COG7: variants seen among roughly 807,000 people sequenced by gnomAD.
The protein encoded by COG7 is component of oligomeric golgi complex 7.
In COG7, 49 loss-of-function variants were observed where a neutral mutation model predicts 91.5. The observed-to-expected ratio is 0.54, with a 90% confidence interval of 0.43 to 0.68. The LOEUF (loss-of-function observed/expected upper bound fraction) is 0.68. Ranked by LOEUF, COG7 falls within the 30% of genes least tolerant of loss-of-function variation. The pLI is 0.00. For synonymous variants in COG7, 365 were observed against 388.7 expected (o/e 0.94, Z 0.72); for missense variants, 895 against 961.3 (o/e 0.93, Z 0.91).
chr16:23,417,601 T>C (rs937058735), intron 8 of COG7, among the ~76,000 whole-genome samples: 1 of 151,788 alleles, frequency 6.6e-6, no homozygotes, highest in Non-Finnish European at 1.5e-5. Context: ...ACCCCATCTC[T>C]ACAAAAAATT....
At chr16:23,434,283 C>G (rs537344282) in intron 5 of COG7, among the ~76,000 whole-genome samples, 2 of 152,100 alleles carry the variant, frequency 1.3e-5, no homozygotes, top group Admixed American at 1.3e-4. Flanking sequence ...GAAACCCTAT[C>G]TCTAAAGAAA....
At chr16:23,397,183 A>G (rs1963299019) in intron 14 of COG7, among the ~76,000 whole-genome samples, 2 of 152,216 alleles carry the variant, frequency 1.3e-5, no homozygotes, top group Non-Finnish European at 2.9e-5. Context: ...TGCTGTGACT[A>G]TAAGCATGAG....
Position 23,398,067 on chromosome 16 carries a change from G to T in COG7, c.1866C>A (p.Thr622=). The T allele has an allele frequency of 6.2e-7, 1 of 1,614,122 alleles. No homozygotes were observed. Among genetic ancestry groups the T allele is most frequent in the Non-Finnish European group, 8.5e-7 (1 of 1,179,984 alleles). ...TTACGTTGCTGATGTACTCGAGAGG[G>T]GTGAGACTAAAGGCGGGCAGTTCAT... ...LTDELPAFSL[T]PLEYISNIGQ... The change falls in exon 14 of 17, where the codon ACC becomes ACA. Residue 622 remains threonine (T), a synonymous_variant. Transcript: ENST00000307149.
intron 7 of COG7, among the ~76,000 whole-genome samples, chr16:23,419,770 ACTGCCACAG>A (rs1963723248): frequency 6.7e-6 from 1 of 149,338 alleles, no homozygotes. Context: ...AAAAAAAAGA[ACTGCCACAG>A]AGAAAAGGCA....
At chr16:23,424,355 T>A (rs1021322303) in intron 7 of COG7, among the ~76,000 whole-genome samples, 2 of 151,496 alleles carry the variant, frequency 1.3e-5, no homozygotes, top group African/African-American at 4.9e-5. Context: ...AACTGACTTT[T>A]GAGGTTGAAA....
chr16:23,435,433 A>G (rs115102249), intron 4 of COG7, among the ~76,000 whole-genome samples: 184 of 152,352 alleles, frequency 1.2e-3, no homozygotes, highest in African/African-American at 4.3e-3. Flanking sequence ...CATTCCACAC[A>G]TAACAATGGA....
At chr16:23,419,492 T>C (rs1963715759) in intron 7 of COG7, among the ~76,000 whole-genome samples, 1 of 151,316 alleles carries the variant, frequency 6.6e-6, no homozygotes, top group Admixed American at 6.6e-5. Flanking sequence ...CTCACACTTG[T>C]AATCCCAGCA....
chr16:23,400,796 C>A (rs763211752), intron 13 of COG7, among the ~76,000 whole-genome samples: 10 of 152,042 alleles, frequency 6.6e-5, no homozygotes, highest in Non-Finnish European at 8.8e-5. Flanking sequence ...ATGGTGAAAC[C>A]CCATTTCTAC....
chr16:23,398,208 A>G, intron 13 of COG7, 79 bp from the exon 14 acceptor site: 1 of 1,155,590 alleles, frequency 8.7e-7, no homozygotes. Context: ...ATACACAAGA[A>G]GAACATGGCC....
Position 23,418,702 on chromosome 16 carries a change from G to C in COG7, c.1135C>G (p.Leu379Val), listed in dbSNP as rs878853109. Reference protein sequence around the residue: ...NLLIQMSAVPLEHGEVIDCVQ... With the variant: ...NLLIQMSAVPVEHGEVIDCVQ... ...GCCCCAGGACACTGCGACTTTACCA[G>C]AGGCACAGCACTCATCTGGATGAGG... The change falls in exon 8 of 17, where the codon CTG (leucine) becomes GTG (valine). Residue 379 changes from leucine (L) to valine (V), a missense_variant and splice_region_variant. Leu to Val is a conservative substitution (Grantham distance 32). Transcript: ENST00000307149. 2 of 1,613,424 alleles carry C rather than the reference G, an allele frequency of 1.2e-6. No homozygotes were observed. The highest frequency in any genetic ancestry group is 2.7e-5 in the African/African-American group (2 of 74,886).
chr16:23,393,480 C>G, intron 14 of COG7, 133 bp from the exon 15 acceptor site: 1 of 706,716 alleles, frequency 1.4e-6, no homozygotes, highest in Non-Finnish European at 2.6e-6. Context: ...TCTGATCTTT[C>G]TAGTATGTGG....
Position 23,434,698 on chromosome 16 carries a change from T to C in COG7, c.625A>G (p.Lys209Glu), listed in dbSNP as rs1464309853. ...ATCCGGTCAATTTCAGTAAACACCT[T>C]CACAAACACTTTGGACTGATCTAAA... ...QAVDQSKVFV[K>E]VFTEIDRMPQ... The change falls in exon 5 of 17, where the codon AAG (lysine) becomes GAG (glutamate). Residue 209 changes from lysine to glutamate, a missense_variant. Physicochemically the swap from Lys to Glu is moderately conservative, Grantham distance 56. Transcript: ENST00000307149. The C allele has an allele frequency of 1.2e-6, 2 of 1,612,688 alleles. No individual in the cohort carries two copies. The highest frequency in any genetic ancestry group is 1.7e-6 in the Non-Finnish European group (2 of 1,178,784).
chr16:23,407,264 TGCTTGAGCCAACCA>T (rs1249287213), intron 11 of COG7, among the ~76,000 whole-genome samples: 2 of 152,238 alleles, frequency 1.3e-5, no homozygotes, highest in African/African-American at 4.8e-5. Flanking sequence ...TTCTTCCTGT[TGCTTGAGCCAACCA>T]GTAACTTTGG....
intron 4 of COG7, among the ~76,000 whole-genome samples, chr16:23,435,406 A>C (rs1318457086): frequency 2.6e-5 from 4 of 152,252 alleles, no homozygotes; most frequent in Middle Eastern, 3.4e-3. Context: ...AAAATCAAAT[A>C]ATTTGGTAAC....
chr16:23,442,662 T>G lies in COG7; in HGVS notation c.436-17A>C. 2.5e-6 allele frequency: 4 copies of G among 1,604,768 alleles called. No homozygotes were observed. The highest frequency in any genetic ancestry group is 3.4e-6 in the Non-Finnish European group (4 of 1,171,544). ...AGCTATGTCCTAGAAAAGACCAGAA[T>G]AGAGAATATTTATTTTAAATGATCC... On this transcript the variant is annotated splice_polypyrimidine_tract_variant and intron_variant, in intron 3 of 16. Transcript: ENST00000307149.
rs770617869 is a variant in COG7 at position 23,413,570 on chromosome 16, G to A, written c.1293-6C>T. Reference sequence around the variant, plus strand: ...TGGTGAAATCAGACACATACCTGCCGGGAAAGGGAAGAAAATGGTAGGGAG... The same window carrying A: ...TGGTGAAATCAGACACATACCTGCCAGGAAAGGGAAGAAAATGGTAGGGAG... On this transcript the variant is annotated splice_polypyrimidine_tract_variant and splice_region_variant and intron_variant, in intron 9 of 16. Transcript: ENST00000307149. 1.6e-5 allele frequency: 24 copies of A among 1,504,436 alleles called. No individual in the cohort carries two copies. Among genetic ancestry groups the A allele is most frequent in the Admixed American group, 5.0e-5 (3 of 59,868 alleles). The allele number at this position is 1,504,436 out of a possible 1,614,324, so 93.2% of individuals were successfully genotyped here.
intron 6 of COG7, 45 bp downstream of exon 6, chr16:23,433,500 G>C: frequency 6.2e-7 from 1 of 1,613,132 alleles, no homozygotes; most frequent in South Asian, 1.1e-5. Flanking sequence ...CCGTTCCCTT[G>C]TCACCACAGA....
intron 4 of COG7, among the ~76,000 whole-genome samples, chr16:23,435,695 C>T (rs1381077454): frequency 6.6e-6 from 1 of 152,188 alleles, no homozygotes; most frequent in African/African-American, 2.4e-5. Flanking sequence ...AAGCCTTGAG[C>T]TAACAGGTCT....
intron 5 of COG7, among the ~76,000 whole-genome samples, chr16:23,434,387 G>A (rs1358930995): frequency 1.3e-5 from 2 of 152,124 alleles, no homozygotes; most frequent in Non-Finnish European, 2.9e-5. Flanking sequence ...TTAAAACAAC[G>A]TTTCAAGTCT....
Sources: gnomAD v4.1 joint callset for allele counts (sites outside exome capture counted in the v4.1 genomes callset) on GRCh38, gnomAD v4.1.1 for gene constraint, MANE v1.5 for transcripts, NCBI Gene and HGNC (gene_info 2026-07-23, HGNC 2026-07-21) for gene names.